MARCHF6: variants seen among roughly 807,000 people sequenced by gnomAD.
The protein encoded by MARCHF6 is membrane associated ring-CH-type finger 6.
MARCHF6 carries 31 observed loss-of-function variants against 133.7 expected under a neutral mutation model. The ratio of observed to expected loss-of-function variants is 0.23; its 90% confidence interval spans 0.17 to 0.31. MARCHF6 has a LOEUF of 0.31. Among genes scored for constraint, MARCHF6 ranks in the 10% least tolerant of loss-of-function variants. MARCHF6 has a pLI of 1.00. For missense variants in MARCHF6, 723 were observed against 1,121.6 expected, an observed-to-expected ratio of 0.64 and a Z score of 5.08; for synonymous variants, 395 against 402.5, an observed-to-expected ratio of 0.98 and a Z score of 0.22.
rs138551166 is a variant in MARCHF6, at chr5:10,417,423, C to T, written c.2283+19C>T. On this transcript the variant is annotated intron_variant, in intron 22 of 25. Coordinates refer to ENST00000274140, the MANE Select transcript of MARCHF6 (RefSeq NM_005885.4). ...ATGGCAGGTAAATGTATGTCTTTTG[C>T]TCATGTTATTTCATTAAGGATTTGA... is the stretch of plus-strand genomic sequence containing the variant. 2.2e-4 allele frequency: 353 copies of T among 1,612,762 alleles called. 3 individuals carry two copies. The East Asian group carries it at 2.5e-3, about 11-fold the overall frequency.
intron 9 of MARCHF6, among the ~76,000 whole-genome samples, chr5:10,395,565 G>C (rs1460668380): frequency 3.3e-5 from 5 of 152,104 alleles, no homozygotes; most frequent in Admixed American, 2.6e-4. Context: ...AAGAAGAAAT[G>C]GTGCTGTTTT....
intron 19 of MARCHF6, among the ~76,000 whole-genome samples, 176 bp from the exon 20 acceptor site, chr5:10,414,254 ATTT>A (rs955508004): frequency 6.6e-6 from 1 of 152,042 alleles, no homozygotes; most frequent in African/African-American, 2.4e-5. Flanking sequence ...ACTTATTTTC[ATTT>A]TGGCCTAAAT....
intron 4 of MARCHF6, among the ~76,000 whole-genome samples, chr5:10,384,465 ACAGGT>A (rs1737347405): frequency 6.6e-6 from 1 of 152,208 alleles, no homozygotes; most frequent in South Asian, 2.1e-4. Flanking sequence ...AGAATTTTGA[ACAGGT>A]ATTTCTGGAA....
chr5:10,375,605 A>G (rs1736729921), intron 1 of MARCHF6, among the ~76,000 whole-genome samples: 1 of 152,254 alleles, frequency 6.6e-6, no homozygotes, highest in Non-Finnish European at 1.5e-5. Flanking sequence ...CCACTAGGTG[A>G]AGCCAGCTGG....
intron 6 of MARCHF6, among the ~76,000 whole-genome samples, chr5:10,391,092 AAAAAGAAT>A (rs1737802989): frequency 6.6e-6 from 1 of 152,218 alleles, no homozygotes; most frequent in South Asian, 2.1e-4. Context: ...TTTTGTTTTT[AAAAAGAAT>A]TTAGTAGAGT....
intron 21 of MARCHF6, among the ~76,000 whole-genome samples, chr5:10,416,076 C>A (rs183209565): frequency 3.8e-4 from 58 of 150,682 alleles, no homozygotes; most frequent in Non-Finnish European, 5.6e-4. Context: ...TCTTTATACA[C>A]GTGCATGCAC....
chr5:10,387,600 T>C (rs539422130), intron 5 of MARCHF6, among the ~76,000 whole-genome samples: 1 of 151,562 alleles, frequency 6.6e-6, no homozygotes, highest in African/African-American at 2.4e-5. Flanking sequence ...ACCGCGCCCG[T>C]CCGGGATGAC....
intron 1 of MARCHF6, among the ~76,000 whole-genome samples, chr5:10,359,838 C>G (rs1735704903): frequency 6.6e-6 from 1 of 152,084 alleles, no homozygotes; most frequent in Non-Finnish European, 1.5e-5. Flanking sequence ...AACCCTGTCT[C>G]TACTAAAAAT....
intron 10 of MARCHF6, among the ~76,000 whole-genome samples, chr5:10,398,631 T>C (rs369294874): frequency 3.9e-5 from 6 of 152,244 alleles, no homozygotes; most frequent in African/African-American, 1.4e-4. Flanking sequence ...TTTAAGTCTT[T>C]ACTCTTGCAG....
chr5:10,365,053 T>C (rs1736057981), intron 1 of MARCHF6, among the ~76,000 whole-genome samples: 2 of 152,138 alleles, frequency 1.3e-5, no homozygotes, highest in Admixed American at 6.6e-5. Context: ...TCTACCCACC[T>C]CAGCCTCCCA....
At chr5:10,364,206 G>C (rs991549718) in intron 1 of MARCHF6, among the ~76,000 whole-genome samples, 12 of 152,184 alleles carry the variant, frequency 7.9e-5, no homozygotes, top group Non-Finnish European at 1.8e-4. Flanking sequence ...TTGTAAGGAG[G>C]TAGAGCAGTT....
At chr5:10,395,446 G>A (rs1738134263) in intron 9 of MARCHF6, among the ~76,000 whole-genome samples, 1 of 152,090 alleles carries the variant, frequency 6.6e-6, no homozygotes, top group Non-Finnish European at 1.5e-5. Flanking sequence ...GCTGATGTTA[G>A]GTTTTCCTGT....
At chr5:10,365,551 C>T (rs1364238386) in intron 1 of MARCHF6, among the ~76,000 whole-genome samples, 1 of 152,172 alleles carries the variant, frequency 6.6e-6, no homozygotes, top group Admixed American at 6.5e-5. Flanking sequence ...CCGCCCACCT[C>T]AGCCTCCTGG....
chr5:10,411,594 C>A, intron 19 of MARCHF6, 57 bp downstream of exon 19: 1 of 1,424,118 alleles, frequency 7.0e-7, no homozygotes, highest in Non-Finnish European at 9.6e-7. Context: ...TTTTGTTCTC[C>A]AAATTGCTGT....
Position 10,438,121 on chromosome 5 carries a change from T to C in MARCHF6, c.*4437T>C, listed in dbSNP as rs1740719011. The C allele has an allele frequency of 6.6e-6, 1 of 152,274 alleles. No homozygotes were observed. Among genetic ancestry groups the C allele is most frequent in the African/African-American group, 2.4e-5 (1 of 41,456 alleles). 9.4% of individuals were successfully genotyped at this position (152,274 alleles called of 1,614,324 possible). On this transcript the variant is annotated 3_prime_UTR_variant, in exon 26 of 26. Transcript: ENST00000274140. The stretch of plus-strand genomic sequence containing the variant: ...CACATTTTGTGCAATAGCAAGCTAC[T>C]GCCCACTTCTGCATGTCTGCTACGA...
chr5:10,425,895 T>C (rs527930881), intron 23 of MARCHF6, among the ~76,000 whole-genome samples: 14 of 152,390 alleles, frequency 9.2e-5, no homozygotes, highest in African/African-American at 3.1e-4. Context: ...AATTCTTTCA[T>C]ACTAAATTTT....
rs1737169129 is a variant in MARCHF6, at chr5:10,381,797, T to C, written c.191-3T>C. The C allele has an allele frequency of 2.5e-6, 4 of 1,586,518 alleles. No homozygotes were observed. The highest frequency in any genetic ancestry group is 3.8e-5 in the Admixed American group (2 of 52,472). ...ACTGTAAGTACTTTTTTTCCGCTTA[T>C]AGTTTATTCTCCAGATATGCCTTCA... On this transcript the variant is annotated splice_region_variant and splice_polypyrimidine_tract_variant and intron_variant, in intron 3 of 25. Coordinates refer to ENST00000274140, the MANE Select transcript of MARCHF6 (RefSeq NM_005885.4).
In MARCHF6 at chr5:10,384,507, G is replaced by A. The variant is rs573868394; in HGVS notation, c.335-2487G>A. Among the ~76,000 whole-genome samples the A allele has an allele frequency of 3.9e-5, 6 of 152,288 alleles. No homozygotes were observed. In the South Asian group the frequency reaches 8.3e-4, roughly 21 times the overall value. ...AATAGCTAAATATACTAAGCTCTCC[G>A]TATCTGTGGGTTCTGCAATGCTGAC... On this transcript the variant is annotated intron_variant, in intron 4 of 25. Transcript: ENST00000274140.
At chr5:10,383,164 A>G (rs1737258211) in intron 4 of MARCHF6, among the ~76,000 whole-genome samples, 2 of 152,366 alleles carry the variant, frequency 1.3e-5, no homozygotes, top group South Asian at 2.1e-4. Context: ...CTAGCAGAAT[A>G]TAGGTACTGT....
Sources: allele counts gnomAD v4.1 joint callset (sites outside exome capture counted in the v4.1 genomes callset), GRCh38; gene constraint gnomAD v4.1.1; transcripts MANE v1.5; gene names NCBI Gene and HGNC (gene_info 2026-07-23, HGNC 2026-07-21).